CAPZA1: variants seen among roughly 807,000 people sequenced by gnomAD.
CAPZA1 encodes capping actin protein of muscle Z-line subunit alpha 1.
Under a neutral mutation model 40.8 loss-of-function variants are expected in CAPZA1, and 10 were observed. The observed-to-expected ratio is 0.25, with a 90% CI of 0.15 to 0.42. The LOEUF (loss-of-function observed/expected upper bound fraction) is 0.42, where lower values mean the gene tolerates loss of function less well. CAPZA1 is among the 10% of genes least tolerant of loss of function. The pLI, the probability that CAPZA1 is intolerant of heterozygous loss-of-function variation, is 1.00. For missense variants in CAPZA1, 277 were observed against 353.8 expected, an observed-to-expected ratio of 0.78 and a Z score of 1.74; for synonymous variants, 98 against 115.0, an observed-to-expected ratio of 0.85 and a Z score of 0.95.
At chr1:112,646,402 C>T (rs996430788) in intron 1 of CAPZA1, among the ~76,000 whole-genome samples, 1 of 151,930 alleles carries the variant, frequency 6.6e-6, no homozygotes, top group Non-Finnish European at 1.5e-5. Context: ...CATGATGAGA[C>T]CTGTCTCTAC....
intron 3 of CAPZA1, among the ~76,000 whole-genome samples, chr1:112,652,973 A>T (rs2101170954): frequency 6.6e-6 from 1 of 152,248 alleles, no homozygotes; most frequent in Non-Finnish European, 1.5e-5. Flanking sequence ...TTTATACTTG[A>T]CTCATGCTCA....
At chr1:112,667,825 C>T (rs550091845) in intron 8 of CAPZA1, among the ~76,000 whole-genome samples, 2 of 151,998 alleles carry the variant, frequency 1.3e-5, no homozygotes, top group South Asian at 4.2e-4. Context: ...AGCCACCATG[C>T]CTGGCCACTA....
chr1:112,658,191 T>C (rs1671536158), intron 5 of CAPZA1, among the ~76,000 whole-genome samples: 1 of 152,184 alleles, frequency 6.6e-6, no homozygotes, highest in Non-Finnish European at 1.5e-5. Flanking sequence ...TTTTTTTTCT[T>C]ACTTTCCCTT....
At chr1:112,639,709 A>T (rs1284740819) in intron 1 of CAPZA1, among the ~76,000 whole-genome samples, 2 of 152,094 alleles carry the variant, frequency 1.3e-5, no homozygotes, top group African/African-American at 4.8e-5. Context: ...TAAAAAAAAA[A>T]ATTAAAGGAT....
intron 1 of CAPZA1, among the ~76,000 whole-genome samples, chr1:112,632,507 T>A (rs1208441877): frequency 1.3e-5 from 2 of 151,796 alleles, no homozygotes; most frequent in Admixed American, 1.3e-4. Context: ...TGATCAGATA[T>A]CAAGGGTGGG....
At position 112,652,062 on chromosome 1, in the gene CAPZA1, G is replaced by A. The variant is rs149540589; in HGVS notation, c.156-1536G>A. ...CTTGAATCCGGAAGGCAGAGGTTGCGGTAAGCCAAGATCGTACCACAGCAC... is the reference window on the plus strand; with the variant it reads ...CTTGAATCCGGAAGGCAGAGGTTGCAGTAAGCCAAGATCGTACCACAGCAC... On this transcript the variant is annotated intron_variant, in intron 3 of 9. Coordinates refer to ENST00000263168, the MANE Select transcript of CAPZA1 (RefSeq NM_006135.3). Among the ~76,000 whole-genome samples the A allele has an allele frequency of 1.0e-2, 1,513 of 152,034 alleles. 34 individuals are homozygous for A. The highest frequency in any genetic ancestry group is 0.034 in the African/African-American group (1,429 of 41,468).
intron 1 of CAPZA1, among the ~76,000 whole-genome samples, chr1:112,629,052 A>G (rs555576610): frequency 6.6e-6 from 1 of 152,288 alleles, no homozygotes; most frequent in African/African-American, 2.4e-5. Flanking sequence ...TCTGGTTAAA[A>G]TGTAGGTCAG....
At chr1:112,634,366 T>C (rs1281072950) in intron 1 of CAPZA1, among the ~76,000 whole-genome samples, 1 of 152,170 alleles carries the variant, frequency 6.6e-6, no homozygotes, top group African/African-American at 2.4e-5. Context: ...TGTTATTACT[T>C]CAAAGGGAAA....
chr1:112,639,735 G>C (rs550585328), intron 1 of CAPZA1, among the ~76,000 whole-genome samples: 3 of 152,070 alleles, frequency 2.0e-5, no homozygotes, highest in Non-Finnish European at 4.4e-5. Flanking sequence ...ATGTTGACAT[G>C]CTCCTTTTTT....
chr1:112,668,297 A>G (rs1364575297), intron 8 of CAPZA1, among the ~76,000 whole-genome samples: 1 of 152,044 alleles, frequency 6.6e-6, no homozygotes, highest in East Asian at 1.9e-4. Context: ...AAGAAAGAAA[A>G]CTAAGAAGTG....
intron 7 of CAPZA1, among the ~76,000 whole-genome samples, chr1:112,664,524 C>G (rs1202021053): frequency 6.6e-6 from 1 of 152,152 alleles, no homozygotes; most frequent in African/African-American, 2.4e-5. Flanking sequence ...CCTCCTCTTA[C>G]TAGGTGTGTG....
At chr1:112,647,296 A>G (rs376435657) in intron 2 of CAPZA1, 23 bp downstream of exon 2, 163 of 1,280,422 alleles carry the variant, frequency 1.3e-4, no homozygotes, top group Middle Eastern at 9.9e-4. Flanking sequence ...TAGTATTTTA[A>G]TCCCTCCTTA....
chr1:112,638,933 TATAGG>T (rs1671078279), intron 1 of CAPZA1, among the ~76,000 whole-genome samples: 1 of 134,248 alleles, frequency 7.4e-6, no homozygotes, highest in Admixed American at 9.3e-5. Context: ...TAGATATAGA[TATAGG>T]TATAGATATA....
intron 1 of CAPZA1, among the ~76,000 whole-genome samples, chr1:112,634,995 A>G (rs1363782285): frequency 6.6e-6 from 1 of 152,186 alleles, no homozygotes; most frequent in Non-Finnish European, 1.5e-5. Flanking sequence ...ATATTTACTC[A>G]TTGCCTGCCA....
intron 7 of CAPZA1, among the ~76,000 whole-genome samples, chr1:112,662,932 T>C (rs1382401871): frequency 6.6e-6 from 1 of 152,048 alleles, no homozygotes; most frequent in Non-Finnish European, 1.5e-5. Context: ...ATATCTCCCA[T>C]CCTGTTTGTA....
intron 7 of CAPZA1, among the ~76,000 whole-genome samples, chr1:112,665,837 G>A (rs1671714328): frequency 6.6e-6 from 1 of 152,054 alleles, no homozygotes; most frequent in African/African-American, 2.4e-5. Flanking sequence ...TTTTGGGAAG[G>A]TACCAACATT....
chr1:112,639,924 G>GC (rs1671104875), intron 1 of CAPZA1, among the ~76,000 whole-genome samples: 5 of 138,224 alleles, frequency 3.6e-5, no homozygotes, highest in African/African-American at 2.7e-5. Context: ...GGGGGGGTCA[G>GC]CCCCCCGCCC....
chr1:112,638,984 A>G (rs2101151354), intron 1 of CAPZA1, among the ~76,000 whole-genome samples: 1 of 148,338 alleles, frequency 6.7e-6, no homozygotes, highest in African/African-American at 2.4e-5. Context: ...AATAATTTAT[A>G]TAATATATAA....
chr1:112,619,971 C>T (rs572539858), intron 1 of CAPZA1, 88 bp downstream of exon 1: 154 of 1,094,164 alleles, frequency 1.4e-4, no homozygotes, highest in Non-Finnish European at 1.9e-4. Context: ...GCAGTGTCCC[C>T]AGGAAAAAGA....
Sources: allele counts gnomAD v4.1 joint callset (sites outside exome capture counted in the v4.1 genomes callset), GRCh38; gene constraint gnomAD v4.1.1; transcripts MANE v1.5; gene names NCBI Gene and HGNC (gene_info 2026-07-23, HGNC 2026-07-21).